FLT3: variants seen among roughly 807,000 people sequenced by gnomAD.
FLT3 encodes the protein fms related receptor tyrosine kinase 3.
Under a neutral mutation model 126.6 loss-of-function variants are expected in FLT3, and 46 were observed. The ratio of observed to expected loss-of-function variants is 0.36; its 90% CI spans 0.29 to 0.46. The LOEUF is 0.46. FLT3 is among the 20% of genes least tolerant of loss of function. The pLI, the probability that FLT3 is intolerant of heterozygous loss-of-function variation, is 1.00. For synonymous variants in FLT3, 404 were observed against 434.4 expected (o/e 0.93, Z 0.87); for missense variants, 1,069 against 1,190.3 (o/e 0.90, Z 1.50).
At chr13:28,029,164 G>A (rs1003674888) in intron 15 of FLT3, among the ~76,000 whole-genome samples, 6 of 152,192 alleles carry the variant, frequency 3.9e-5, no homozygotes, top group African/African-American at 1.4e-4. Flanking sequence ...GCCAAGGCGG[G>A]TGGATCACTT....
At chr13:28,004,531 C>A (rs1410679458) in intron 23 of FLT3, among the ~76,000 whole-genome samples, 1 of 152,086 alleles carries the variant, frequency 6.6e-6, no homozygotes, top group Non-Finnish European at 1.5e-5. Context: ...GTCTCAAACT[C>A]CTGGGCTCAA....
Position 28,035,956 on chromosome 13 carries a change from T to G in FLT3, c.1397A>C (p.Lys466Thr). The G allele has an allele frequency of 1.2e-6, 2 of 1,613,864 alleles. No individual in the cohort carries two copies. Among genetic ancestry groups the G allele is most frequent in the African/African-American group, 2.7e-5 (2 of 75,058 alleles). The change falls in exon 11 of 24, where the codon AAG (lysine) becomes ACG (threonine). Residue 466 changes from lysine (K) to threonine (T), a missense_variant. Lys to Thr is a moderately conservative substitution (Grantham distance 78). Transcript: ENST00000241453. ...TTACTTGGGAGACTTGTCTGAACAC[T>G]TCTTCCAGGTCCAAGATGGTAATGG... is the stretch of plus-strand genomic sequence containing the variant. ...GYPLPSWTWK[K>T]CSDKSPNCTE...
chr13:28,073,070 G>A (rs185328997), intron 1 of FLT3, among the ~76,000 whole-genome samples: 2 of 152,056 alleles, frequency 1.3e-5, no homozygotes, highest in Non-Finnish European at 2.9e-5. Flanking sequence ...GCCGAGCCTG[G>A]TGGCTCATGT....
chr13:28,020,380 ACT>A (rs957152219), intron 19 of FLT3, among the ~76,000 whole-genome samples: 7 of 151,994 alleles, frequency 4.6e-5, no homozygotes, highest in Admixed American at 4.6e-4. Flanking sequence ...AGAAAGTCTC[ACT>A]CTGTCACCCA....
intron 1 of FLT3, among the ~76,000 whole-genome samples, chr13:28,094,544 C>T (rs899312645): frequency 5.9e-5 from 9 of 152,100 alleles, no homozygotes; most frequent in Admixed American, 4.6e-4. Flanking sequence ...CTGTCACCCA[C>T]GTTAGAGTAC....
rs80168985 is a variant in FLT3, at chr13:28,097,579, G to A, written c.43+2889C>T. Among the ~76,000 whole-genome samples the A allele has an allele frequency of 9.6e-3, 1,459 of 152,174 alleles. 31 individuals are homozygous for A. Among genetic ancestry groups the A allele is most frequent in the African/African-American group, 0.033 (1,383 of 41,536 alleles). Reference sequence around the variant, plus strand: ...AGGATAATTTACTATAGATAGACGTGAAGTACCTAAAAAGAAATGAATATC... The same window carrying A: ...AGGATAATTTACTATAGATAGACGTAAAGTACCTAAAAAGAAATGAATATC... On this transcript the variant is annotated intron_variant, in intron 1 of 23. Coordinates refer to ENST00000241453, the MANE Select transcript of FLT3 (RefSeq NM_004119.3).
At chr13:28,057,501 G>T in intron 3 of FLT3, 39 bp from the exon 4 acceptor site, 1 of 997,938 alleles carries the variant, frequency 1.0e-6, no homozygotes, top group Non-Finnish European at 1.6e-6. Context: ...TTTGGAAAAT[G>T]TGTGAAACTA....
chr13:28,077,696 G>A (rs578182128), intron 1 of FLT3, among the ~76,000 whole-genome samples: 33 of 152,110 alleles, frequency 2.2e-4, no homozygotes, highest in African/African-American at 6.3e-4. Context: ...ACAGTCCCCC[G>A]TAGTCTTAAC....
chr13:28,008,818 G>A (rs1387140213), intron 23 of FLT3, among the ~76,000 whole-genome samples: 1 of 152,012 alleles, frequency 6.6e-6, no homozygotes, highest in Non-Finnish European at 1.5e-5. Flanking sequence ...GGCTTTTTTG[G>A]TTGGGTGATT....
intron 5 of FLT3, among the ~76,000 whole-genome samples, chr13:28,051,903 C>T (rs1875522308): frequency 6.6e-6 from 1 of 151,292 alleles, no homozygotes; most frequent in African/African-American, 2.4e-5. Context: ...TCTTTTTGCC[C>T]CAACCAGATG....
chr13:28,061,935 G>A lies in FLT3; in HGVS notation c.300C>T (p.Asn100=), dbSNP rs746006152. ...TLQVLVDAPG[N]ISCLWVFKHS... ...GCTTAAAGACCCAGAGACAGGAAATGTTCCCTGGGGCGTCGACCAGCACTT... is the reference window on the plus strand; with the variant it reads ...GCTTAAAGACCCAGAGACAGGAAATATTCCCTGGGGCGTCGACCAGCACTT... The change falls in exon 3 of 24, where the codon AAC becomes AAT. Residue 100 remains asparagine, a synonymous_variant. Transcript: ENST00000241453. The A allele has an allele frequency of 6.2e-7, 1 of 1,613,974 alleles. No individual in the cohort carries two copies. Among genetic ancestry groups the A allele is most frequent in the South Asian group, 1.1e-5 (1 of 91,066 alleles).
intron 3 of FLT3, among the ~76,000 whole-genome samples, chr13:28,058,672 T>A (rs1876255785): frequency 6.6e-6 from 1 of 152,168 alleles, no homozygotes; most frequent in African/African-American, 2.4e-5. Context: ...CTCATCAGAA[T>A]CTGCATTTTA....
At chr13:28,086,619 C>CGTGTGTGTGTGTGTGTGTGTGTGT (rs35797346) in intron 1 of FLT3, among the ~76,000 whole-genome samples, 1 of 134,726 alleles carries the variant, frequency 7.4e-6, no homozygotes, top group Non-Finnish European at 1.6e-5. Context: ...CTGAAGAACT[C>CGTGTGTGTGTGTGTGTGTGTGTGT]GTGTGTGTGT....
intron 4 of FLT3, among the ~76,000 whole-genome samples, chr13:28,056,832 C>T (rs1388555274): frequency 1.3e-5 from 2 of 152,268 alleles, no homozygotes; most frequent in Middle Eastern, 3.4e-3. Flanking sequence ...TTCAACAGCC[C>T]CATGTGGCCA....
intron 1 of FLT3, among the ~76,000 whole-genome samples, chr13:28,079,294 T>G (rs1475956740): frequency 6.6e-6 from 1 of 152,172 alleles, no homozygotes; most frequent in South Asian, 2.1e-4. Flanking sequence ...CTCCATCAGA[T>G]AGACCACCTC....
intron 9 of FLT3, among the ~76,000 whole-genome samples, chr13:28,037,893 G>T (rs180794312): frequency 6.6e-6 from 1 of 152,244 alleles, no homozygotes; most frequent in East Asian, 1.9e-4. Flanking sequence ...TAGGTTGTGC[G>T]TTCCTTAAGA....
At chr13:28,095,388 G>T (rs959854515) in intron 1 of FLT3, among the ~76,000 whole-genome samples, 1 of 151,886 alleles carries the variant, frequency 6.6e-6, no homozygotes. Context: ...TGATTCTCCT[G>T]CCTCAGCCTC....
chr13:28,076,855 G>A (rs535991136), intron 1 of FLT3, among the ~76,000 whole-genome samples: 275 of 152,044 alleles, frequency 1.8e-3, no homozygotes, highest in African/African-American at 6.3e-3. Context: ...TCAACCCAGG[G>A]AGGTCAAGGC....
At chr13:28,057,688 A>G (rs1450704170) in intron 3 of FLT3, among the ~76,000 whole-genome samples, 3 of 152,092 alleles carry the variant, frequency 2.0e-5, no homozygotes, top group East Asian at 3.9e-4. Context: ...GGAGAGCTCC[A>G]TTCCGGTGCC....
Sources: allele counts gnomAD v4.1 joint callset (sites outside exome capture counted in the v4.1 genomes callset), GRCh38; gene constraint gnomAD v4.1.1; transcripts MANE v1.5; gene names NCBI Gene and HGNC (gene_info 2026-07-23, HGNC 2026-07-21).